The following KCNQ3 variants were observed in gnomAD, a reference collection of about 807,000 sequenced individuals.
The protein encoded by KCNQ3 is potassium voltage-gated channel subfamily Q member 3.
In KCNQ3, 30 loss-of-function variants were observed where a neutral mutation model predicts 92.5. The observed-to-expected ratio is 0.32, with a 90% CI of 0.24 to 0.44. KCNQ3 has a LOEUF of 0.44. KCNQ3 is among the 20% of genes least tolerant of loss of function. The pLI is 1.00. For missense variants in KCNQ3, 913 were observed against 1,140.3 expected (o/e 0.80, Z 2.87); for synonymous variants, 450 against 468.8 (o/e 0.96, Z 0.52).
chr8:132,472,237 C>T (rs1337947295), intron 1 of KCNQ3, among the ~76,000 whole-genome samples: 1 of 152,052 alleles, frequency 6.6e-6, no homozygotes, highest in African/African-American at 2.4e-5. Flanking sequence ...ACTATCATAC[C>T]ATCCAGCAAC....
chr8:132,212,393 C>T (rs765467280), intron 1 of KCNQ3, among the ~76,000 whole-genome samples: 6 of 152,046 alleles, frequency 3.9e-5, no homozygotes, highest in Non-Finnish European at 5.9e-5. Flanking sequence ...ATATGGAATA[C>T]CACCTTTCTT....
chr8:132,225,684 C>T (rs1430391239), intron 1 of KCNQ3, among the ~76,000 whole-genome samples: 1 of 152,138 alleles, frequency 6.6e-6, no homozygotes, highest in African/African-American at 2.4e-5. Context: ...AGTATTTACA[C>T]CACAGAAAGT....
chr8:132,273,408 C>A (rs1586885250), intron 1 of KCNQ3, among the ~76,000 whole-genome samples: 6 of 152,182 alleles, frequency 3.9e-5, no homozygotes, highest in Admixed American at 3.9e-4. Context: ...TGCAGGGCAC[C>A]AAGTCCTTAG....
chr8:132,353,009 G>A (rs941945423), intron 1 of KCNQ3, among the ~76,000 whole-genome samples: 3 of 152,092 alleles, frequency 2.0e-5, no homozygotes, highest in African/African-American at 7.2e-5. Context: ...GGTGGATCAC[G>A]AGGTCAGGAG....
chr8:132,448,502 G>GAAAAAAAAAAA, intron 1 of KCNQ3, among the ~76,000 whole-genome samples: 60 of 93,838 alleles, frequency 6.4e-4, no homozygotes, highest in African/African-American at 1.1e-3. Context: ...GGAGAAATAT[G>GAAAAAAAAAAA]AAAAAAAAAA....
At chr8:132,179,362 C>T (rs62519584) in intron 4 of KCNQ3, among the ~76,000 whole-genome samples, 7,764 of 152,044 alleles carry the variant, frequency 0.051, 303 homozygotes, top group Non-Finnish European at 0.074. Flanking sequence ...GCACCACCAC[C>T]CCAGCAAACC....
intron 1 of KCNQ3, among the ~76,000 whole-genome samples, chr8:132,187,630 G>C (rs536175055): frequency 6.6e-6 from 1 of 152,258 alleles, no homozygotes; most frequent in South Asian, 2.1e-4. Flanking sequence ...GATGATGGTG[G>C]TGGTGGTGGT....
intron 1 of KCNQ3, among the ~76,000 whole-genome samples, chr8:132,422,893 A>T (rs1485548802): frequency 6.6e-6 from 1 of 152,160 alleles, no homozygotes; most frequent in Non-Finnish European, 1.5e-5. Flanking sequence ...AAGAAATTGC[A>T]TGAGTGAAAA....
intron 1 of KCNQ3, among the ~76,000 whole-genome samples, chr8:132,286,846 G>A (rs1392368376): frequency 6.6e-6 from 1 of 152,268 alleles, no homozygotes; most frequent in South Asian, 2.1e-4. Context: ...TCACAGGAAT[G>A]GATTAGTTCC....
chr8:132,329,984 C>T (rs1315957757), intron 1 of KCNQ3, among the ~76,000 whole-genome samples: 1 of 152,076 alleles, frequency 6.6e-6, no homozygotes, highest in South Asian at 2.1e-4. Context: ...AGCCTGTGAA[C>T]GAGATCTTAT....
intron 1 of KCNQ3, among the ~76,000 whole-genome samples, chr8:132,313,675 T>C (rs4736413): frequency 0.5 from 76,297 of 151,958 alleles, 19,379 homozygotes; most frequent in East Asian, 0.67. Flanking sequence ...CAATTAATGT[T>C]ATTGACAAGA....
chr8:132,137,759 G>C, intron 12 of KCNQ3, 126 bp downstream of exon 12: 1 of 1,184,816 alleles, frequency 8.4e-7, no homozygotes, highest in South Asian at 1.2e-5. Context: ...ACAAGGCTTC[G>C]TGGATATTTG....
At chr8:132,345,545 G>A (rs1252556675) in intron 1 of KCNQ3, among the ~76,000 whole-genome samples, 2 of 152,236 alleles carry the variant, frequency 1.3e-5, no homozygotes, top group Non-Finnish European at 2.9e-5. Flanking sequence ...TAAACAGTAT[G>A]AAAGAACAAT....
intron 9 of KCNQ3, among the ~76,000 whole-genome samples, chr8:132,150,815 C>A (rs941354558): frequency 6.6e-6 from 1 of 151,746 alleles, no homozygotes; most frequent in Non-Finnish European, 1.5e-5. Context: ...TTCTGCCTGT[C>A]TGTGTAGTTA....
chr8:132,137,129 C>T (rs888901816), intron 12 of KCNQ3, among the ~76,000 whole-genome samples: 1 of 151,988 alleles, frequency 6.6e-6, no homozygotes, highest in Admixed American at 6.6e-5. Context: ...CCTTGGCCTC[C>T]CAAAGTGCTG....
chr8:132,164,223 C>T (rs1009247970), intron 8 of KCNQ3, among the ~76,000 whole-genome samples: 4 of 152,066 alleles, frequency 2.6e-5, no homozygotes, highest in African/African-American at 9.7e-5. Flanking sequence ...TGGAGGGGCC[C>T]TCCTAGGGGT....
At position 132,480,385 on chromosome 8, in the gene KCNQ3, C is replaced by T. The variant is rs1329571058; in HGVS notation, c.148G>A (p.Val50Met). Residue 50 changes from valine to methionine, a missense_variant, in exon 1 of 15, where the codon GTG becomes ATG. Val to Met is a conservative substitution (Grantham distance 21). Around this residue, in one of 6 missense-constraint regions of KCNQ3, gnomAD observed 183 missense variants for 167.7 expected, o/e 1.09. Transcript: ENST00000388996. ...ERKVGLAPGD[V>M]EQVTLALGAG... The stretch of plus-strand genomic sequence containing the variant: ...CCGAGCGCCAAGGTGACTTGCTCCA[C>T]GTCGCCGGGCGCCAGCCCCACTTTC... 2 of 1,558,164 alleles carry T rather than the reference C, an allele frequency of 1.3e-6. No individual in the cohort carries two copies. The highest frequency in any genetic ancestry group is 8.6e-7 in the Non-Finnish European group (1 of 1,160,622).
chr8:132,187,163 G>T (rs1053922660), intron 1 of KCNQ3: 1 of 455,906 alleles, frequency 2.2e-6, no homozygotes, highest in African/African-American at 2.0e-5. Flanking sequence ...TCCTACTCCA[G>T]GTACTCTGGT....
intron 9 of KCNQ3, among the ~76,000 whole-genome samples, chr8:132,163,188 A>G (rs770821363): frequency 1.2e-4 from 19 of 152,174 alleles, no homozygotes; most frequent in Non-Finnish European, 2.1e-4. Context: ...GGCCTATCTT[A>G]CATTGTGGTT....
Sources: gnomAD v4.1 joint callset for allele counts (sites outside exome capture counted in the v4.1 genomes callset) on GRCh38, gnomAD v4.1.1 for gene constraint, gnomAD v4.1.1 regional missense constraint, MANE v1.5 for transcripts, NCBI Gene and HGNC (gene_info 2026-07-23, HGNC 2026-07-21) for gene names.